Variants in FAM13C observed in about 807,000 individuals in gnomAD.
FAM13C encodes the protein protein FAM13C.
In FAM13C, 37 loss-of-function variants were observed where a neutral mutation model predicts 73.2. The ratio of observed to expected loss-of-function variants is 0.51; its 90% CI spans 0.39 to 0.67. The LOEUF is 0.67. Ranked by LOEUF, FAM13C falls within the 30% of genes least tolerant of loss-of-function variation. FAM13C has a pLI of 0.00. For missense variants in FAM13C, 589 were observed against 715.6 expected, an observed-to-expected ratio of 0.82 and a Z score of 2.02; for synonymous variants, 246 against 260.9, an observed-to-expected ratio of 0.94 and a Z score of 0.55.
At chr10:59,257,686 A>G (rs1842074770) in intron 10 of FAM13C, among the ~76,000 whole-genome samples, 1 of 152,202 alleles carries the variant, frequency 6.6e-6, no homozygotes, top group African/African-American at 2.4e-5. Context: ...TTTAAATTAA[A>G]CAATCAAACA....
intron 10 of FAM13C, 138 bp from the exon 11 acceptor site, chr10:59,254,581 ATTTAT>A (rs1841755598): frequency 3.7e-5 from 2 of 54,612 alleles, no homozygotes; most frequent in Admixed American, 2.9e-4. Context: ...AAAGTCATTT[ATTTAT>A]TTATTTATTT....
intron 5 of FAM13C, among the ~76,000 whole-genome samples, chr10:59,294,021 A>G (rs1292431126): frequency 6.6e-6 from 1 of 152,222 alleles, no homozygotes; most frequent in Non-Finnish European, 1.5e-5. Context: ...ACCAAGTGAG[A>G]GCATGTAAGA....
At chr10:59,256,176 C>T (rs1189249283) in intron 10 of FAM13C, among the ~76,000 whole-genome samples, 1 of 152,054 alleles carries the variant, frequency 6.6e-6, no homozygotes, top group South Asian at 2.1e-4. Flanking sequence ...AAATCTATTC[C>T]ATGGGATTTT....
intron 5 of FAM13C, among the ~76,000 whole-genome samples, chr10:59,287,448 A>ATTCT (rs1709985713): frequency 6.6e-6 from 1 of 151,334 alleles, no homozygotes; most frequent in South Asian, 2.1e-4. Flanking sequence ...AAAGGCTAGC[A>ATTCT]TTCTTTCTTT....
At chr10:59,342,729 C>T (rs6481463) in intron 3 of FAM13C, among the ~76,000 whole-genome samples, 113,718 of 152,096 alleles carry the variant, frequency 0.75, 42,813 homozygotes, top group East Asian at 0.86. Flanking sequence ...ATATGTTATG[C>T]CTCAGTTCCT....
At chr10:59,326,042 A>G (rs1251313446) in intron 3 of FAM13C, among the ~76,000 whole-genome samples, 2 of 149,976 alleles carry the variant, frequency 1.3e-5, no homozygotes, top group African/African-American at 2.4e-5. Context: ...GTACTGTTTG[A>G]TTTTTTTTTT....
intron 3 of FAM13C, among the ~76,000 whole-genome samples, chr10:59,351,001 CT>C (rs1854961398): frequency 6.6e-6 from 1 of 152,184 alleles, no homozygotes. Context: ...AATATTACCA[CT>C]TTGTAATTAC....
chr10:59,340,234 A>T (rs564909073), intron 3 of FAM13C, among the ~76,000 whole-genome samples: 37 of 152,312 alleles, frequency 2.4e-4, no homozygotes, highest in South Asian at 2.3e-3. Flanking sequence ...AATTTTTTTT[A>T]AAAAGAGTCT....
At chr10:59,293,752 C>T (rs1480612597) in intron 5 of FAM13C, among the ~76,000 whole-genome samples, 1 of 152,198 alleles carries the variant, frequency 6.6e-6, no homozygotes, top group Non-Finnish European at 1.5e-5. Context: ...CCCTGTAAAC[C>T]TCTGGGAAGT....
intron 5 of FAM13C, among the ~76,000 whole-genome samples, chr10:59,284,306 G>C (rs1036508872): frequency 6.6e-6 from 1 of 151,892 alleles, no homozygotes; most frequent in East Asian, 1.9e-4. Flanking sequence ...TAATTCCTCC[G>C]ACCAGGTGAA....
chr10:59,311,363 G>A (rs1848898495), intron 4 of FAM13C, among the ~76,000 whole-genome samples: 1 of 152,240 alleles, frequency 6.6e-6, no homozygotes, highest in Admixed American at 6.5e-5. Flanking sequence ...GCAGGTGAAT[G>A]AGTGAGAGCA....
chr10:59,306,833 C>A (rs1490413501), intron 4 of FAM13C, among the ~76,000 whole-genome samples: 3 of 152,192 alleles, frequency 2.0e-5, no homozygotes, highest in Non-Finnish European at 4.4e-5. Flanking sequence ...GAGATCGTGC[C>A]ACTGCACTCT....
intron 6 of FAM13C, chr10:59,282,795 G>A (rs1379564842): frequency 6.6e-6 from 1 of 151,654 alleles, no homozygotes; most frequent in Non-Finnish European, 1.5e-5. Context: ...ACAGAAAATT[G>A]AGACTCAATT....
At chr10:59,250,533 G>A (rs1278283265) in intron 13 of FAM13C, among the ~76,000 whole-genome samples, 1 of 152,162 alleles carries the variant, frequency 6.6e-6, no homozygotes, top group African/African-American at 2.4e-5. Flanking sequence ...ATCCCTGGTA[G>A]GCTAAAATGG....
chr10:59,362,336 T>G (rs1284532389), intron 1 of FAM13C, 63 bp downstream of exon 1: 2 of 1,587,046 alleles, frequency 1.3e-6, no homozygotes, highest in East Asian at 4.5e-5. Context: ...GGAGGATACC[T>G]TCACGATAGT....
At chr10:59,280,519 C>T (rs1844810502) in intron 6 of FAM13C, among the ~76,000 whole-genome samples, 1 of 152,206 alleles carries the variant, frequency 6.6e-6, no homozygotes, top group African/African-American at 2.4e-5. Context: ...TTGACATTAT[C>T]TCCCAATTCA....
intron 5 of FAM13C, among the ~76,000 whole-genome samples, chr10:59,290,243 TTAA>T (rs2133765260): frequency 6.6e-6 from 1 of 152,334 alleles, no homozygotes; most frequent in South Asian, 2.1e-4. Context: ...AAATACTATT[TTAA>T]GGTGCCTTTG....
chr10:59,329,480 C>T (rs867798287), intron 3 of FAM13C, among the ~76,000 whole-genome samples: 27 of 151,202 alleles, frequency 1.8e-4, no homozygotes, highest in Admixed American at 3.3e-4. Flanking sequence ...CTGCCTCAGC[C>T]TCCTGAATAG....
At chr10:59,295,292 G>C (rs537780888) in intron 5 of FAM13C, among the ~76,000 whole-genome samples, 1 of 152,350 alleles carries the variant, frequency 6.6e-6, no homozygotes, top group East Asian at 1.9e-4. Flanking sequence ...ACCAATCGGG[G>C]AGGCCTTTAA....
Sources: allele counts gnomAD v4.1 joint callset (sites outside exome capture counted in the v4.1 genomes callset), GRCh38; gene constraint gnomAD v4.1.1; transcripts MANE v1.5; gene names NCBI Gene and HGNC (gene_info 2026-07-23, HGNC 2026-07-21).